The following PVT1 variants were observed in gnomAD, a reference collection of about 807,000 sequenced individuals.
PVT1 encodes Pvt1 oncogene.
chr8:127,985,436 C>CTTT (rs549166946), intron 3 of PVT1, among the ~76,000 whole-genome samples: 4 of 142,116 alleles, frequency 2.8e-5, no homozygotes, highest in African/African-American at 1.0e-4. Flanking sequence ...TGAGTAGCTG[C>CTTT]TTTTTTTTTT....
intron 2 of PVT1, among the ~76,000 whole-genome samples, chr8:127,827,418 A>G (rs555443049): frequency 6.6e-6 from 1 of 152,240 alleles, no homozygotes; most frequent in South Asian, 2.1e-4. Context: ...CTGGCAGCCA[A>G]CTGCTCCTCT....
chr8:127,826,479 A>G (rs1378329302), intron 2 of PVT1, among the ~76,000 whole-genome samples: 1 of 152,140 alleles, frequency 6.6e-6, no homozygotes, highest in Non-Finnish European at 1.5e-5. Context: ...ATCGTTTGGA[A>G]TCTTCAGAGT....
At position 127,948,232 on chromosome 8, in the gene PVT1, G is replaced by T. The variant is rs1332213410; in HGVS notation, n.783-40930G>T. 5 of 321,454 alleles carry T rather than the reference G, an allele frequency of 1.6e-5. No individual in the cohort carries two copies. The Admixed American group carries it at 2.1e-4, about 13-fold the overall frequency. 19.9% of individuals were successfully genotyped at this position (321,454 alleles called of 1,614,324 possible). A position where few individuals can be genotyped will look rare whatever the true frequency, so the allele number is the denominator to read the frequency against. On this transcript the variant is annotated intron_variant and non_coding_transcript_variant, in intron 3 of 10. Transcript: ENST00000651587. Reference sequence around the variant, plus strand: ...AGTGTTTTCCTTCTCTTGAAAAGCAGCTGCTGAGTGGTGGAGCACAGAGGT... The same window carrying T: ...AGTGTTTTCCTTCTCTTGAAAAGCATCTGCTGAGTGGTGGAGCACAGAGGT...
intron 3 of PVT1, among the ~76,000 whole-genome samples, chr8:127,938,777 C>G (rs1363547633): frequency 6.6e-6 from 1 of 152,160 alleles, no homozygotes; most frequent in Non-Finnish European, 1.5e-5. Flanking sequence ...CCTTTGCGTT[C>G]CTCTGCCCCA....
intron 3 of PVT1, among the ~76,000 whole-genome samples, chr8:127,952,291 G>A (rs1816514982): frequency 6.6e-6 from 1 of 152,220 alleles, no homozygotes; most frequent in Admixed American, 6.5e-5. Context: ...GGCCAGAGGA[G>A]CCCACAGTTT....
chr8:128,012,866 G>A (rs1472818733), intron 4 of PVT1, among the ~76,000 whole-genome samples: 1 of 152,128 alleles, frequency 6.6e-6, no homozygotes, highest in East Asian at 1.9e-4. Context: ...AGATTTAATT[G>A]ATCTAGAGAG....
At chr8:127,883,457 G>C (rs930277272) in intron 2 of PVT1, among the ~76,000 whole-genome samples, 1 of 152,014 alleles carries the variant, frequency 6.6e-6, no homozygotes, top group East Asian at 1.9e-4. Context: ...GGTGGGGAGG[G>C]TCAAGAAGGA....
At chr8:128,018,611 G>A (rs1019727919) in intron 4 of PVT1, among the ~76,000 whole-genome samples, 5 of 152,190 alleles carry the variant, frequency 3.3e-5, no homozygotes, top group Non-Finnish European at 5.9e-5. Flanking sequence ...TAAATGTCAG[G>A]GTCAAACAGG....
chr8:128,061,728 C>T (rs56210115), intron 4 of PVT1, among the ~76,000 whole-genome samples: 7,035 of 152,128 alleles, frequency 0.046, 258 homozygotes, highest in African/African-American at 0.098. Context: ...TTCTCTGGGA[C>T]GATGGCAGAG....
chr8:127,805,626 G>T (rs1814519161), intron 2 of PVT1, among the ~76,000 whole-genome samples: 1 of 152,104 alleles, frequency 6.6e-6, no homozygotes, highest in Non-Finnish European at 1.5e-5. Context: ...TTATTGGCAG[G>T]TATTTGTGGA....
At chr8:128,100,142 CCTTCCTT>C (rs1563686909) in intron 6 of PVT1, among the ~76,000 whole-genome samples, 3 of 71,580 alleles carry the variant, frequency 4.2e-5, no homozygotes, top group East Asian at 5.3e-4. Context: ...TCCCTCCCTT[CCTTCCTT>C]CCTTCCTTCC....
intron 3 of PVT1, among the ~76,000 whole-genome samples, chr8:127,899,211 T>C (rs1206272143): frequency 6.6e-6 from 1 of 152,238 alleles, no homozygotes; most frequent in East Asian, 1.9e-4. Flanking sequence ...AGAAAATCCC[T>C]GAGGCTTTCT....
chr8:127,901,465 C>T (rs1490602924), intron 3 of PVT1, among the ~76,000 whole-genome samples: 1 of 152,204 alleles, frequency 6.6e-6, no homozygotes, highest in African/African-American at 2.4e-5. Context: ...CAGAAGGACA[C>T]TTCAGGGCAG....
At chr8:128,041,787 G>A (rs1166936364) in intron 4 of PVT1, among the ~76,000 whole-genome samples, 1 of 152,142 alleles carries the variant, frequency 6.6e-6, no homozygotes, top group Non-Finnish European at 1.5e-5. Context: ...ACTAGATGCA[G>A]CCTCTCCTTA....
At chr8:127,943,409 GCTCT>G (rs1816376890) in intron 3 of PVT1, among the ~76,000 whole-genome samples, 1 of 152,182 alleles carries the variant, frequency 6.6e-6, no homozygotes, top group Non-Finnish European at 1.5e-5. Flanking sequence ...TAATAAAGAA[GCTCT>G]CTTTGTATGA....
chr8:127,873,231 G>A (rs1392122889), intron 2 of PVT1, among the ~76,000 whole-genome samples: 1 of 152,172 alleles, frequency 6.6e-6, no homozygotes, highest in East Asian at 1.9e-4. Context: ...TCTCCTTGCA[G>A]CCTTCTGAAG....
At chr8:127,924,113 T>C (rs915804748) in intron 3 of PVT1, among the ~76,000 whole-genome samples, 6 of 152,186 alleles carry the variant, frequency 3.9e-5, no homozygotes, top group African/African-American at 4.8e-5. Flanking sequence ...GGGGATGTGT[T>C]TGGGGACACA....
chr8:127,916,556 G>A (rs898716202), intron 3 of PVT1, among the ~76,000 whole-genome samples: 1 of 152,108 alleles, frequency 6.6e-6, no homozygotes, highest in Non-Finnish European at 1.5e-5. Context: ...GTCCGTATTC[G>A]CCATAACCAA....
At chr8:128,063,314 A>T (rs1813855131) in intron 4 of PVT1, among the ~76,000 whole-genome samples, 1 of 152,068 alleles carries the variant, frequency 6.6e-6, no homozygotes, top group Non-Finnish European at 1.5e-5. Flanking sequence ...GAAGTTCAAG[A>T]TCATCTTGGC....
Sources: gnomAD v4.1 joint callset for allele counts (sites outside exome capture counted in the v4.1 genomes callset) on GRCh38, gnomAD v4.1.1 for gene constraint, MANE v1.5 for transcripts, NCBI Gene and HGNC (gene_info 2026-07-23, HGNC 2026-07-21) for gene names.